NXPH1: variants seen among roughly 807,000 people sequenced by gnomAD.
NXPH1 encodes the protein neurexophilin-1.
A neutral mutation model predicts 23.7 loss-of-function variants in NXPH1; 5 were observed. The ratio of observed to expected loss-of-function variants is 0.21; its 90% CI spans 0.11 to 0.44. The LOEUF is 0.44. Among genes scored for constraint, NXPH1 ranks in the 20% least tolerant of loss-of-function variants. The probability of loss-of-function intolerance (pLI) is 0.99; values close to 1 mark genes in which losing one functional copy is unlikely to be tolerated. For synonymous variants in NXPH1, 144 were observed against 122.2 expected, an observed-to-expected ratio of 1.18 and a Z score of -1.18; for missense variants, 324 against 321.6, an observed-to-expected ratio of 1.01 and a Z score of -0.06.
intron 2 of NXPH1, among the ~76,000 whole-genome samples, chr7:8,543,770 C>T (rs1039930324): frequency 4.6e-5 from 7 of 151,546 alleles, no homozygotes; most frequent in Admixed American, 1.3e-4. Context: ...CACCTATTGA[C>T]GTAGTACAGT....
At chr7:8,730,510 T>C (rs1780132944) in intron 2 of NXPH1, among the ~76,000 whole-genome samples, 1 of 152,020 alleles carries the variant, frequency 6.6e-6, no homozygotes, top group African/African-American at 2.4e-5. Context: ...AGCACTTCCT[T>C]CAGGAGCTCT....
chr7:8,540,751 A>G (rs374621159), intron 2 of NXPH1, among the ~76,000 whole-genome samples: 1 of 151,800 alleles, frequency 6.6e-6, no homozygotes, highest in African/African-American at 2.4e-5. Context: ...TAGGGGTAAC[A>G]GTGGCTAACA....
At chr7:8,477,385 A>G (rs1277832806) in intron 2 of NXPH1, among the ~76,000 whole-genome samples, 1 of 152,042 alleles carries the variant, frequency 6.6e-6, no homozygotes, top group African/African-American at 2.4e-5. Flanking sequence ...TGATGGCTAT[A>G]GATCATCACT....
At chr7:8,731,494 G>A (rs1184835912) in intron 2 of NXPH1, among the ~76,000 whole-genome samples, 2 of 152,218 alleles carry the variant, frequency 1.3e-5, no homozygotes, top group South Asian at 4.2e-4. Context: ...GGTCTTTGAT[G>A]ATGGTGACGT....
At chr7:8,477,335 A>AT (rs149828257) in intron 2 of NXPH1, among the ~76,000 whole-genome samples, 7,983 of 151,404 alleles carry the variant, frequency 0.053, 396 homozygotes, top group African/African-American at 0.13. Flanking sequence ...CCGGAGCTGT[A>AT]TTTTTTTTTA....
chr7:8,469,159 G>A (rs1277328184), intron 2 of NXPH1, among the ~76,000 whole-genome samples: 1 of 151,816 alleles, frequency 6.6e-6, no homozygotes, highest in African/African-American at 2.4e-5. Context: ...ACAAAGAAAG[G>A]GGTGAATGTT....
At chr7:8,585,686 G>T (rs759533646) in intron 2 of NXPH1, among the ~76,000 whole-genome samples, 1 of 152,164 alleles carries the variant, frequency 6.6e-6, no homozygotes, top group African/African-American at 2.4e-5. Flanking sequence ...AACTTTGTTT[G>T]TGTATTAAAA....
intron 2 of NXPH1, among the ~76,000 whole-genome samples, chr7:8,634,256 A>G (rs1820180477): frequency 1.3e-5 from 2 of 152,058 alleles, no homozygotes; most frequent in Non-Finnish European, 2.9e-5. Context: ...ATATCTCATG[A>G]GAACTGATGG....
At chr7:8,583,870 C>T (rs1818929261) in intron 2 of NXPH1, among the ~76,000 whole-genome samples, 1 of 152,134 alleles carries the variant, frequency 6.6e-6, no homozygotes, top group African/African-American at 2.4e-5. Context: ...ACAGCCCGGT[C>T]ATGGAGCTCT....
At chr7:8,596,207 A>G (rs1583180496) in intron 2 of NXPH1, among the ~76,000 whole-genome samples, 1 of 152,136 alleles carries the variant, frequency 6.6e-6, no homozygotes, top group Non-Finnish European at 1.5e-5. Flanking sequence ...TGGAAAGTTC[A>G]TTTCTGCTAA....
intron 2 of NXPH1, among the ~76,000 whole-genome samples, chr7:8,540,167 C>A (rs1025991940): frequency 2.0e-5 from 3 of 151,584 alleles, no homozygotes; most frequent in African/African-American, 4.8e-5. Context: ...ACAGAATCAC[C>A]TGGGAAATTT....
At chr7:8,675,448 A>G (rs1029974168) in intron 2 of NXPH1, among the ~76,000 whole-genome samples, 1 of 152,130 alleles carries the variant, frequency 6.6e-6, no homozygotes, top group Non-Finnish European at 1.5e-5. Flanking sequence ...CCTGATTATA[A>G]TTTCCTCACA....
In NXPH1 at chr7:8,672,799, C is replaced by T. The variant is rs114773322; in HGVS notation, c.55-78209C>T. On this transcript the variant is annotated intron_variant, in intron 2 of 2. Transcript: ENST00000405863. ...CTTTGAGAAATTTTCTCCTTTCAAA[C>T]GGTTCTTTCTTATCCCACAGTCTGC... is the stretch of plus-strand genomic sequence containing the variant. Among the ~76,000 whole-genome samples the T allele has an allele frequency of 5.7e-3, 871 of 152,300 alleles. 9 individuals carry two copies. The highest frequency in any genetic ancestry group is 0.02 in the African/African-American group (824 of 41,570).
rs540056222 is a variant in NXPH1 at position 8,678,928 on chromosome 7, A to ATTTTTTTTTTTTTTTTTTTTTTTT, written c.55-72068_55-72045dup. On this transcript the variant is annotated intron_variant, in intron 2 of 2. Coordinates refer to ENST00000405863, the MANE Select transcript of NXPH1 (RefSeq NM_152745.3). Reference sequence around the variant, plus strand: ...TCTAGATTTATCTTTGCTTTATCCAATTTTTTTTTTTTTTTTTTTTTTTTT... The same window carrying ATTTTTTTTTTTTTTTTTTTTTTTT: ...TCTAGATTTATCTTTGCTTTATCCAATTTTTTTTTTTTTTTTTTTTTTTTTTTTTTTTTTTTTTTTTTTTTTTTT... Among the ~76,000 whole-genome samples the ATTTTTTTTTTTTTTTTTTTTTTTT allele has an allele frequency of 3.1e-3, 215 of 68,786 alleles. 36 individuals are homozygous for ATTTTTTTTTTTTTTTTTTTTTTTT. Among genetic ancestry groups the ATTTTTTTTTTTTTTTTTTTTTTTT allele is most frequent in the Admixed American group, 3.6e-3 (22 of 6,074 alleles). The allele number at this position is 68,786 out of a possible 152,430, so 45.1% of individuals were successfully genotyped here. A position where few individuals can be genotyped will look rare whatever the true frequency, so the allele number is the denominator to read the frequency against.
chr7:8,440,090 T>C (rs1816271369), intron 2 of NXPH1, among the ~76,000 whole-genome samples: 2 of 152,258 alleles, frequency 1.3e-5, no homozygotes, highest in South Asian at 2.1e-4. Flanking sequence ...ACCAGCCTTT[T>C]AGATACATAC....
At chr7:8,734,648 C>T (rs1214092391) in intron 2 of NXPH1, among the ~76,000 whole-genome samples, 1 of 152,128 alleles carries the variant, frequency 6.6e-6, no homozygotes, top group Non-Finnish European at 1.5e-5. Context: ...TGATGTGGTG[C>T]TAAGAAGAAT....
intron 2 of NXPH1, among the ~76,000 whole-genome samples, chr7:8,447,247 A>G (rs1003517496): frequency 6.6e-6 from 1 of 152,192 alleles, no homozygotes. Context: ...AACTTTACTC[A>G]CATATTTTTT....
At chr7:8,475,085 G>T (rs1419104795) in intron 2 of NXPH1, among the ~76,000 whole-genome samples, 1 of 152,126 alleles carries the variant, frequency 6.6e-6, no homozygotes. Flanking sequence ...GGAAGAGGGT[G>T]TTGAGAACTT....
At chr7:8,483,847 A>C (rs947383126) in intron 2 of NXPH1, among the ~76,000 whole-genome samples, 5 of 152,142 alleles carry the variant, frequency 3.3e-5, no homozygotes, top group Non-Finnish European at 5.9e-5. Context: ...TGTTTAAGGA[A>C]GATTATTTTC....
Sources: gnomAD v4.1 joint callset for allele counts (sites outside exome capture counted in the v4.1 genomes callset) on GRCh38, gnomAD v4.1.1 for gene constraint, MANE v1.5 for transcripts, NCBI Gene and HGNC (gene_info 2026-07-23, HGNC 2026-07-21) for gene names.